Variants in PTPRG observed in about 807,000 individuals in gnomAD.
PTPRG encodes receptor-type tyrosine-protein phosphatase gamma.
Under a neutral mutation model 165.3 loss-of-function variants are expected in PTPRG, and 102 were observed. The observed-to-expected ratio is 0.62, with a 90% CI of 0.53 to 0.73. The LOEUF (loss-of-function observed/expected upper bound fraction) is 0.73, where lower values mean the gene tolerates loss of function less well. Ranked by LOEUF, PTPRG falls within the 30% of genes least tolerant of loss-of-function variation. The pLI is 0.00. For missense variants in PTPRG, 1,866 were observed against 1,861.4 expected (o/e 1.00, Z -0.05); for synonymous variants, 675 against 669.5 (o/e 1.01, Z -0.13).
intron 5 of PTPRG, among the ~76,000 whole-genome samples, chr3:62,090,262 C>T (rs959011751): frequency 6.6e-6 from 1 of 152,132 alleles, no homozygotes; most frequent in African/African-American, 2.4e-5. Context: ...CCCTGAACAC[C>T]ATTCTAATGA....
rs541849950 is a variant in PTPRG, at chr3:62,254,738, C to A, written c.2468-386C>A. On this transcript the variant is annotated intron_variant, in intron 15 of 29. Transcript: ENST00000474889. The surrounding 1 kb of genome is among the most constrained non-coding windows in gnomAD (Gnocchi z 4.6). ...CCATTGAACAGCAATTAAAAAAAAACAACAACAACAACAACAAAGAAAACC... is the reference window on the plus strand; with the variant it reads ...CCATTGAACAGCAATTAAAAAAAAAAAACAACAACAACAACAAAGAAAACC... 2.1e-3 allele frequency among the ~76,000 whole-genome samples: 309 copies of A among 147,998 alleles called. No homozygotes were observed. The highest frequency in any genetic ancestry group is 5.1e-3 in the African/African-American group (197 of 38,298).
At chr3:62,097,002 C>T (rs1394796815) in intron 5 of PTPRG, among the ~76,000 whole-genome samples, 1 of 152,190 alleles carries the variant, frequency 6.6e-6, no homozygotes, top group East Asian at 1.9e-4. Flanking sequence ...ATCCGCCCAT[C>T]TTAAAAGTGA....
intron 7 of PTPRG, among the ~76,000 whole-genome samples, chr3:62,166,913 G>A (rs2106730735): frequency 6.6e-6 from 1 of 151,958 alleles, no homozygotes; most frequent in South Asian, 2.1e-4. Flanking sequence ...CCAACTCCTG[G>A]GTTCAAGCGA....
intron 2 of PTPRG, among the ~76,000 whole-genome samples, chr3:61,974,446 G>T (rs1263135478): frequency 6.6e-6 from 1 of 151,942 alleles, no homozygotes; most frequent in South Asian, 2.1e-4. Flanking sequence ...CCAGCTACTC[G>T]GGAGGCTGAG....
At chr3:62,186,567 C>CCTTTTTTTTTTTTTTTTTTTTTTTT (rs1705895088) in intron 8 of PTPRG, among the ~76,000 whole-genome samples, 6 of 117,518 alleles carry the variant, frequency 5.1e-5, no homozygotes, top group African/African-American at 2.1e-4. Flanking sequence ...TTTTCTTTTC[C>CCTTTTTTTTTTTTTTTTTTTTTTTT]TTTTTTTTTT....
At chr3:62,000,759 C>G (rs867198242) in intron 3 of PTPRG, among the ~76,000 whole-genome samples, 1 of 152,208 alleles carries the variant, frequency 6.6e-6, no homozygotes, top group African/African-American at 2.4e-5. Flanking sequence ...CAGAGAGTTA[C>G]ACCTGTGTGG....
chr3:62,280,527 C>T (rs1328231175), intron 26 of PTPRG, among the ~76,000 whole-genome samples: 1 of 151,972 alleles, frequency 6.6e-6, no homozygotes, highest in Non-Finnish European at 1.5e-5. Flanking sequence ...ATACCCCACA[C>T]CCATTAGGAT....
At chr3:61,776,110 G>A (rs2034374808) in intron 2 of PTPRG, among the ~76,000 whole-genome samples, 1 of 151,640 alleles carries the variant, frequency 6.6e-6, no homozygotes, top group African/African-American at 2.4e-5. Context: ...AGAATTCAAG[G>A]TTCTGGTATA....
intron 2 of PTPRG, among the ~76,000 whole-genome samples, chr3:61,767,260 AAGT>A (rs1432471423): frequency 1.3e-5 from 2 of 149,404 alleles, no homozygotes; most frequent in East Asian, 2.3e-4. Flanking sequence ...AAAAAAAAGA[AAGT>A]AGAATTATCA....
chr3:61,680,461 G>A (rs900251813), intron 1 of PTPRG, among the ~76,000 whole-genome samples: 4 of 141,606 alleles, frequency 2.8e-5, no homozygotes, highest in Non-Finnish European at 6.0e-5. Flanking sequence ...AGAAACATCA[G>A]CGTTTTGAGG....
At chr3:61,895,746 G>C (rs1395467040) in intron 2 of PTPRG, among the ~76,000 whole-genome samples, 3 of 152,202 alleles carry the variant, frequency 2.0e-5, no homozygotes, top group African/African-American at 7.2e-5. Flanking sequence ...TTAGTGATGT[G>C]ATGTCACCTG....
chr3:61,720,160 C>T (rs1219157597), intron 1 of PTPRG, among the ~76,000 whole-genome samples: 3 of 151,968 alleles, frequency 2.0e-5, no homozygotes, highest in Non-Finnish European at 2.9e-5. Flanking sequence ...TTCTGTCCCC[C>T]AGGCTGGAGC....
intron 2 of PTPRG, among the ~76,000 whole-genome samples, chr3:61,841,852 A>T (rs2036645157): frequency 6.6e-6 from 1 of 152,060 alleles, no homozygotes; most frequent in Non-Finnish European, 1.5e-5. Context: ...AACAAAACAG[A>T]CTTTTTGTAC....
At chr3:61,717,952 G>A (rs1018303592) in intron 1 of PTPRG, among the ~76,000 whole-genome samples, 1 of 151,938 alleles carries the variant, frequency 6.6e-6, no homozygotes, top group Non-Finnish European at 1.5e-5. Flanking sequence ...GGCCAAGGTG[G>A]GTGGATCACT....
chr3:62,089,971 C>T (rs1394098754), intron 5 of PTPRG, among the ~76,000 whole-genome samples: 3 of 152,190 alleles, frequency 2.0e-5, no homozygotes, highest in Non-Finnish European at 4.4e-5. Flanking sequence ...CTCCATGTAT[C>T]AACTGGCCAT....
chr3:61,693,646 G>T (rs2030365328), intron 1 of PTPRG, among the ~76,000 whole-genome samples: 1 of 152,110 alleles, frequency 6.6e-6, no homozygotes, highest in South Asian at 2.1e-4. Context: ...TCAGGGCTGG[G>T]GAGGGAGAAG....
chr3:61,960,883 C>T (rs2040137449), intron 2 of PTPRG, among the ~76,000 whole-genome samples: 1 of 152,122 alleles, frequency 6.6e-6, no homozygotes, highest in Non-Finnish European at 1.5e-5. Context: ...TGTGTAAAAT[C>T]TTGCATTATA....
intron 1 of PTPRG, among the ~76,000 whole-genome samples, chr3:61,726,491 CA>C (rs1437564298): frequency 6.6e-6 from 1 of 151,986 alleles, no homozygotes; most frequent in Non-Finnish European, 1.5e-5. Flanking sequence ...ATGGATAACA[CA>C]AAAAAATTGC....
At chr3:62,194,831 CT>C (rs1236734691) in intron 9 of PTPRG, among the ~76,000 whole-genome samples, 1 of 151,928 alleles carries the variant, frequency 6.6e-6, no homozygotes, top group Non-Finnish European at 1.5e-5. Flanking sequence ...TAATGTTACT[CT>C]TTCCTGTGTC....
Sources: gnomAD v4.1 joint callset for allele counts (sites outside exome capture counted in the v4.1 genomes callset) on GRCh38, gnomAD v4.1.1 for gene constraint, Gnocchi (gnomAD v3.1) non-coding constraint, MANE v1.5 for transcripts, NCBI Gene and HGNC (gene_info 2026-07-23, HGNC 2026-07-21) for gene names.